The following WDR72 variants were observed in gnomAD, a reference collection of about 807,000 sequenced individuals.
The protein encoded by WDR72 is WD repeat domain 72.
WDR72 carries 120 observed loss-of-function variants against 124.2 expected under a neutral mutation model. That is an observed-to-expected ratio of 0.97 (90% confidence interval 0.83 to 1.12). The LOEUF (loss-of-function observed/expected upper bound fraction) is 1.12. WDR72 is among the 50% of genes most tolerant of loss of function. The pLI, the probability that WDR72 is intolerant of heterozygous loss-of-function variation, is 0.00. For synonymous variants in WDR72, 452 were observed against 441.7 expected (o/e 1.02, Z -0.29); for missense variants, 1,387 against 1,278.8 (o/e 1.08, Z -1.29).
At chr15:53,626,942 C>T (rs1432778878) in intron 14 of WDR72, among the ~76,000 whole-genome samples, 1 of 152,212 alleles carries the variant, frequency 6.6e-6, no homozygotes, top group Non-Finnish European at 1.5e-5. Context: ...CGTACAGTAA[C>T]ACTTAATATA....
At chr15:53,742,426 A>G (rs763575451) in intron 1 of WDR72, among the ~76,000 whole-genome samples, 4 of 152,206 alleles carry the variant, frequency 2.6e-5, no homozygotes, top group African/African-American at 4.8e-5. Context: ...AAGTCTTTGG[A>G]AAAAGATTAC....
At position 53,734,032 on chromosome 15, in the gene WDR72, A is replaced by T. The variant is rs555796496; in HGVS notation, c.-12-871T>A. ...TTCCCACATTGCTTTGAGAAAGTCA[A>T]GAAAATGAAAACCTTCTGTCCTGCA... On this transcript the variant is annotated intron_variant, in intron 1 of 19. Coordinates refer to ENST00000360509, the MANE Select transcript of WDR72 (RefSeq NM_182758.4). Among the ~76,000 whole-genome samples the T allele has an allele frequency of 4.7e-4, 72 of 152,362 alleles. No homozygotes were observed. The South Asian group carries it at 0.015, about 31-fold the overall frequency.
At chr15:53,704,901 T>C (rs1872508168) in intron 11 of WDR72, 87 bp downstream of exon 11, 1 of 1,470,726 alleles carries the variant, frequency 6.8e-7, no homozygotes, top group Non-Finnish European at 9.2e-7. Context: ...GCAAATTATT[T>C]AGGCCTCTAA....
chr15:53,756,559 C>T (rs1441091874), intron 1 of WDR72: 1 of 151,908 alleles, frequency 6.6e-6, no homozygotes, highest in African/African-American at 2.4e-5. Context: ...TAAACACTTA[C>T]TGTGTAGGGC....
intron 18 of WDR72, among the ~76,000 whole-genome samples, chr15:53,549,188 T>C (rs779650351): frequency 2.0e-5 from 3 of 152,190 alleles, no homozygotes; most frequent in Non-Finnish European, 2.9e-5. Context: ...CAATAAAAGA[T>C]AGGCATGGTT....
intron 14 of WDR72, among the ~76,000 whole-genome samples, chr15:53,638,871 C>T (rs935708193): frequency 2.0e-5 from 3 of 151,784 alleles, no homozygotes; most frequent in South Asian, 2.1e-4. Context: ...GGCATGATGG[C>T]GGGTACCTGT....
intron 13 of WDR72, among the ~76,000 whole-genome samples, chr15:53,683,725 G>A (rs1268150236): frequency 6.6e-6 from 1 of 152,064 alleles, no homozygotes; most frequent in East Asian, 1.9e-4. Context: ...AGGAGAGAGA[G>A]AAAGAGGAAG....
chr15:53,590,528 G>A (rs377421951), intron 18 of WDR72, among the ~76,000 whole-genome samples: 1 of 151,902 alleles, frequency 6.6e-6, no homozygotes, highest in African/African-American at 2.4e-5. Context: ...CCTCAACTGG[G>A]TAACACATTT....
At chr15:53,758,844 T>C (rs76140099) in intron 1 of WDR72, among the ~76,000 whole-genome samples, 9,026 of 148,582 alleles carry the variant, frequency 0.061, 481 homozygotes, top group East Asian at 0.22. Flanking sequence ...AGAACGTCGT[T>C]AACTGTATTG....
At chr15:53,553,835 C>T (rs1198361351) in intron 18 of WDR72, among the ~76,000 whole-genome samples, 1 of 152,088 alleles carries the variant, frequency 6.6e-6, no homozygotes, top group Non-Finnish European at 1.5e-5. Flanking sequence ...TTGAGTAACA[C>T]AGTGATGTAA....
intron 13 of WDR72, among the ~76,000 whole-genome samples, chr15:53,685,744 C>A (rs1413029021): frequency 4.6e-5 from 7 of 150,542 alleles, no homozygotes; most frequent in Non-Finnish European, 8.8e-5. Context: ...AGACCAACTC[C>A]AAGACACATA....
chr15:53,745,648 T>G (rs780485772), intron 1 of WDR72, among the ~76,000 whole-genome samples: 3 of 152,246 alleles, frequency 2.0e-5, no homozygotes, highest in Non-Finnish European at 4.4e-5. Context: ...TATTGTTTAT[T>G]GTATGAGACA....
At chr15:53,673,681 A>G (rs2016069609) in intron 13 of WDR72, among the ~76,000 whole-genome samples, 1 of 152,188 alleles carries the variant, frequency 6.6e-6, no homozygotes, top group Admixed American at 6.5e-5. Context: ...AAAAGCATAT[A>G]TATTTCATTG....
At chr15:53,742,730 C>A (rs980708092) in intron 1 of WDR72, among the ~76,000 whole-genome samples, 1 of 152,018 alleles carries the variant, frequency 6.6e-6, no homozygotes, top group South Asian at 2.1e-4. Flanking sequence ...ATTTCTCTCA[C>A]GGGGATCTCT....
At chr15:53,590,928 G>A (rs548772083) in intron 18 of WDR72, among the ~76,000 whole-genome samples, 1 of 152,130 alleles carries the variant, frequency 6.6e-6, no homozygotes, top group East Asian at 1.9e-4. Flanking sequence ...GAGAACACTA[G>A]TGTTCTAAAG....
At chr15:53,531,728 G>C (rs1014558252) in intron 18 of WDR72, among the ~76,000 whole-genome samples, 1 of 151,844 alleles carries the variant, frequency 6.6e-6, no homozygotes, top group Non-Finnish European at 1.5e-5. Flanking sequence ...AGAAAGCTAG[G>C]TTCCATACAA....
chr15:53,574,203 T>G (rs1020204794), intron 18 of WDR72, among the ~76,000 whole-genome samples: 1 of 152,206 alleles, frequency 6.6e-6, no homozygotes, highest in African/African-American at 2.4e-5. Flanking sequence ...AATTTAAAAT[T>G]TAGCAGTAGG....
At chr15:53,726,008 G>T (rs2018013542) in intron 2 of WDR72, among the ~76,000 whole-genome samples, 1 of 151,290 alleles carries the variant, frequency 6.6e-6, no homozygotes, top group South Asian at 2.1e-4. Flanking sequence ...GGAGGTGGAG[G>T]TTGCAGTGAG....
At chr15:53,739,178 AGAATGAAGT>A (rs1366509214) in intron 1 of WDR72, among the ~76,000 whole-genome samples, 1 of 152,192 alleles carries the variant, frequency 6.6e-6, no homozygotes, top group Non-Finnish European at 1.5e-5. Flanking sequence ...AGACAGAAGG[AGAATGAAGT>A]GAAGAAAGTA....
Sources: gnomAD v4.1 joint callset for allele counts (sites outside exome capture counted in the v4.1 genomes callset) on GRCh38, gnomAD v4.1.1 for gene constraint, MANE v1.5 for transcripts, NCBI Gene and HGNC (gene_info 2026-07-23, HGNC 2026-07-21) for gene names.